Variants in ZNF618 observed in about 807,000 individuals in gnomAD.
The protein encoded by ZNF618 is neural precursor cell expressed, developmentally down-regulated 10.
A neutral mutation model predicts 103.0 loss-of-function variants in ZNF618; 34 were observed. The observed-to-expected ratio is 0.33, with a 90% CI of 0.25 to 0.44. The LOEUF (loss-of-function observed/expected upper bound fraction) is 0.44. ZNF618 is among the 20% of genes least tolerant of loss of function. ZNF618 has a pLI of 1.00. For missense variants in ZNF618, 1,059 were observed against 1,295.4 expected (o/e 0.82, Z 2.80); for synonymous variants, 551 against 542.2 (o/e 1.02, Z -0.23).
intron 1 of ZNF618, among the ~76,000 whole-genome samples, chr9:113,951,806 C>A (rs1440485944): frequency 6.6e-6 from 1 of 151,798 alleles, no homozygotes; most frequent in East Asian, 2.0e-4. Flanking sequence ...GTGCCATTTT[C>A]CTTTTCTTAG....
chr9:113,945,720 T>C (rs1418866591), intron 1 of ZNF618, among the ~76,000 whole-genome samples: 1 of 152,246 alleles, frequency 6.6e-6, no homozygotes, highest in Non-Finnish European at 1.5e-5. Flanking sequence ...CTGCCTTGAC[T>C]GGCTTTTGGT....
intron 2 of ZNF618, among the ~76,000 whole-genome samples, chr9:113,986,545 C>T (rs1839499766): frequency 6.6e-6 from 1 of 152,178 alleles, no homozygotes; most frequent in Non-Finnish European, 1.5e-5. Flanking sequence ...AGAGGGTCGC[C>T]CTGTCACTGT....
chr9:113,951,461 A>ATG (rs1491134568), intron 1 of ZNF618, among the ~76,000 whole-genome samples: 1 of 4,908 alleles, frequency 2.0e-4, no homozygotes, highest in Non-Finnish European at 6.6e-4. Context: ...GTATATATAC[A>ATG]TATATGTGTG....
intron 1 of ZNF618, among the ~76,000 whole-genome samples, chr9:113,948,180 T>G (rs763921078): frequency 1.3e-5 from 2 of 152,134 alleles, no homozygotes; most frequent in Admixed American, 1.3e-4. Context: ...GAATTTTCAC[T>G]CCCTTTGTAC....
intron 13 of ZNF618, among the ~76,000 whole-genome samples, chr9:114,044,149 G>A (rs1845454902): frequency 6.6e-6 from 1 of 152,096 alleles, no homozygotes; most frequent in Admixed American, 6.5e-5. Context: ...TTTTTCTGAT[G>A]TTATCTTCTA....
chr9:114,048,001 C>T lies in ZNF618; in HGVS notation c.1348+7C>T. On this transcript the variant is annotated splice_region_variant and intron_variant, in intron 14 of 14. Coordinates refer to ENST00000374126, the MANE Select transcript of ZNF618 (RefSeq NM_001318042.2). ...AGGAACAGTGCCAATAACAGTAGGT[C>T]TCCCCAAGCAGGGCTGGACCTGAGG... 6.4e-7 allele frequency: 1 copy of T among 1,572,166 alleles called. No individual in the cohort carries two copies. The highest frequency in any genetic ancestry group is 8.6e-7 in the Non-Finnish European group (1 of 1,158,612).
At position 113,988,445 on chromosome 9, in the gene ZNF618, G is replaced by A. The variant is rs1463415170; in HGVS notation, c.202G>A (p.Asp68Asn). The change falls in exon 3 of 15, where the codon GAT (aspartate) becomes AAT (asparagine). Residue 68 changes from aspartate to asparagine, a missense_variant. Asp to Asn is a conservative substitution (Grantham distance 23). This residue lies in a region of ZNF618 where 194 missense variants were observed against 209.0 expected (regional missense o/e 0.93). Transcript: ENST00000374126. ...TEVKVKTELPDDYIQEVIWQG... is the reference protein window; with the variant it reads ...TEVKVKTELPNDYIQEVIWQG... ...GGTGAAGGTGAAGACAGAGCTGCCC[G>A]ATGACTACATCCAGGAGGTGATCTG... 2.5e-6 allele frequency: 4 copies of A among 1,613,584 alleles called. No homozygotes were observed. Among genetic ancestry groups the A allele is most frequent in the African/African-American group, 1.3e-5 (1 of 75,064 alleles).
chr9:113,921,365 G>T (rs882980), intron 1 of ZNF618, among the ~76,000 whole-genome samples: 75,587 of 152,108 alleles, frequency 0.5, 19,151 homozygotes, highest in Non-Finnish European at 0.55. Flanking sequence ...GGGACTGCCT[G>T]TATGATGTCT....
intron 1 of ZNF618, among the ~76,000 whole-genome samples, chr9:113,943,037 A>C (rs1834687804): frequency 6.6e-6 from 1 of 152,178 alleles, no homozygotes. Context: ...GTGCATCTGG[A>C]AACATCACCA....
chr9:113,988,891 C>T (rs1839752888), intron 3 of ZNF618, among the ~76,000 whole-genome samples: 1 of 152,216 alleles, frequency 6.6e-6, no homozygotes, highest in South Asian at 2.1e-4. Context: ...GGCTCCCATA[C>T]CCCTGGGGGG....
chr9:113,924,879 T>G (rs1245877785), intron 1 of ZNF618, among the ~76,000 whole-genome samples: 1 of 152,060 alleles, frequency 6.6e-6, no homozygotes, highest in African/African-American at 2.4e-5. Flanking sequence ...CATTGTGATC[T>G]TAGAGCAGAT....
intron 2 of ZNF618, among the ~76,000 whole-genome samples, chr9:113,986,258 G>T (rs1438203569): frequency 2.6e-5 from 4 of 152,190 alleles, no homozygotes; most frequent in African/African-American, 9.7e-5. Context: ...TAGGTGGCTG[G>T]CTTGAGGCCC....
chr9:114,054,341 A>G lies in ZNF618; in HGVS notation c.*4174A>G, dbSNP rs1846326680. 1 of 152,268 alleles carries G rather than the reference A, an allele frequency of 6.6e-6. No individual in the cohort carries two copies. Among genetic ancestry groups the G allele is most frequent in the Admixed American group, 6.5e-5 (1 of 15,286 alleles). The allele number at this position is 152,268 out of a possible 1,614,324, so 9.4% of individuals were successfully genotyped here. A position where few individuals can be genotyped will look rare whatever the true frequency, so the allele number is the denominator to read the frequency against. On this transcript the variant is annotated 3_prime_UTR_variant, in exon 15 of 15. Transcript: ENST00000374126. Reference sequence around the variant, plus strand: ...CTGGAACAGCCTGTGAGATGGCTCCATTGGGGACACTCCCCTCATCTTGTC... The same window carrying G: ...CTGGAACAGCCTGTGAGATGGCTCCGTTGGGGACACTCCCCTCATCTTGTC...
At chr9:113,933,928 A>G (rs1211763337) in intron 1 of ZNF618, among the ~76,000 whole-genome samples, 1 of 152,040 alleles carries the variant, frequency 6.6e-6, no homozygotes, top group African/African-American at 2.4e-5. Context: ...TCTGGGAGTC[A>G]GGAGACAGGA....
intron 1 of ZNF618, among the ~76,000 whole-genome samples, chr9:113,959,600 T>A (rs1479524937): frequency 2.0e-5 from 3 of 152,102 alleles, no homozygotes; most frequent in Non-Finnish European, 4.4e-5. Context: ...CCCTTTTCCT[T>A]TATTTTTTTA....
chr9:114,043,068 T>C (rs1845355018), intron 13 of ZNF618, among the ~76,000 whole-genome samples: 2 of 152,254 alleles, frequency 1.3e-5, no homozygotes, highest in South Asian at 4.1e-4. Flanking sequence ...ATAATTCCTT[T>C]ATTTTGCTGA....
chr9:114,030,448 G>T (rs868399710), intron 11 of ZNF618, among the ~76,000 whole-genome samples: 2 of 152,190 alleles, frequency 1.3e-5, no homozygotes, highest in African/African-American at 2.4e-5. Flanking sequence ...GCACTTTGTG[G>T]CTGGGAGTTT....
intron 2 of ZNF618, among the ~76,000 whole-genome samples, chr9:113,969,804 C>T (rs182908494): frequency 3.3e-5 from 5 of 152,092 alleles, no homozygotes; most frequent in Admixed American, 6.5e-5. Context: ...GCTGCTGTTA[C>T]GTTGGGTAGA....
intron 1 of ZNF618, among the ~76,000 whole-genome samples, chr9:113,926,893 G>A (rs1279754388): frequency 6.6e-6 from 1 of 152,146 alleles, no homozygotes; most frequent in Admixed American, 6.5e-5. Context: ...TGTGCCTATA[G>A]TCTCAGCTAC....
Sources: allele counts gnomAD v4.1 joint callset (sites outside exome capture counted in the v4.1 genomes callset), GRCh38; gene constraint gnomAD v4.1.1; regional missense constraint gnomAD v4.1.1; transcripts MANE v1.5; gene names NCBI Gene and HGNC (gene_info 2026-07-23, HGNC 2026-07-21).